CATSPERT: variants seen among roughly 807,000 people sequenced by gnomAD.
The protein encoded by CATSPERT is cation channel sperm-associated targeting subunit tau.
chr2:201,610,717 A>C, the CATSPERT span, among the ~76,000 whole-genome samples: 1 of 152,188 alleles, frequency 6.6e-6, no homozygotes, highest in Non-Finnish European at 1.5e-5. Context: ...AATCTTCAAC[A>C]AAATACTAGC....
At chr2:201,605,994 G>A in the CATSPERT span, among the ~76,000 whole-genome samples, 1 of 152,164 alleles carries the variant, frequency 6.6e-6, no homozygotes, top group Non-Finnish European at 1.5e-5. Flanking sequence ...AAGGGGCATT[G>A]AAGAAGATAA....
chr2:201,526,147 G>T, the CATSPERT span, among the ~76,000 whole-genome samples: 1 of 152,082 alleles, frequency 6.6e-6, no homozygotes, highest in African/African-American at 2.4e-5. Flanking sequence ...CCAAAACCTA[G>T]CAGAGACACA....
chr2:201,587,719 T>G, the CATSPERT span, among the ~76,000 whole-genome samples: 1 of 152,124 alleles, frequency 6.6e-6, no homozygotes, highest in Non-Finnish European at 1.5e-5. Flanking sequence ...TATGGATGGA[T>G]TTTTAATCAA....
the CATSPERT span, chr2:201,495,805 G>T: frequency 5.4e-6 from 4 of 738,802 alleles, no homozygotes; most frequent in Non-Finnish European, 8.3e-6. Flanking sequence ...TGTTTCTAAT[G>T]AGTAGCTTTT....
the CATSPERT span, among the ~76,000 whole-genome samples, chr2:201,587,697 G>C: frequency 6.6e-6 from 1 of 151,898 alleles, no homozygotes; most frequent in Non-Finnish European, 1.5e-5. Context: ...GGTTCACTGA[G>C]TTTCTTGAAT....
At chr2:201,579,107 A>G in the CATSPERT span, among the ~76,000 whole-genome samples, 160 of 152,322 alleles carry the variant, frequency 1.1e-3, no homozygotes, top group African/African-American at 3.4e-3. Flanking sequence ...CTGTAAAAAT[A>G]AGAAAATTCA....
the CATSPERT span, among the ~76,000 whole-genome samples, chr2:201,504,178 C>T: frequency 3.9e-5 from 6 of 152,170 alleles, no homozygotes; most frequent in African/African-American, 7.2e-5. Context: ...CCTACCAGTT[C>T]GCCTCTGTCT....
chr2:201,590,974 G>T, the CATSPERT span, among the ~76,000 whole-genome samples: 2 of 152,156 alleles, frequency 1.3e-5, no homozygotes, highest in East Asian at 3.8e-4. Flanking sequence ...TGTGCAAGAA[G>T]CTCTTTAGTT....
At chr2:201,521,453 A>AGAG in the CATSPERT span, among the ~76,000 whole-genome samples, 9,265 of 150,650 alleles carry the variant, frequency 0.062, 359 homozygotes, top group Non-Finnish European at 0.088. Flanking sequence ...GAGAGAGAGA[A>AGAG]AGAGACACAC....
At chr2:201,582,632 A>G in the CATSPERT span, among the ~76,000 whole-genome samples, 2 of 152,234 alleles carry the variant, frequency 1.3e-5, no homozygotes, top group Non-Finnish European at 2.9e-5. Context: ...GGTTATCCAA[A>G]TATCCAACAC....
chr2:201,563,348 C>T, the CATSPERT span, among the ~76,000 whole-genome samples: 1 of 136,494 alleles, frequency 7.3e-6, no homozygotes, highest in South Asian at 2.3e-4. Context: ...CCGGACTGGG[C>T]GGCTGGCCGG....
the CATSPERT span, chr2:201,556,968 A>G: frequency 5.4e-4 from 82 of 152,266 alleles, no homozygotes; most frequent in African/African-American, 1.8e-3. Flanking sequence ...CAACACATAT[A>G]AAGATATTTC....
At chr2:201,536,412 C>T in the CATSPERT span, 1 of 1,402,006 alleles carries the variant, frequency 7.1e-7, no homozygotes, top group Non-Finnish European at 9.5e-7. Flanking sequence ...ATCAATTGTA[C>T]CCTTATCCTT....
chr2:201,515,202 G>GTTTTT, the CATSPERT span, among the ~76,000 whole-genome samples: 196 of 24,672 alleles, frequency 7.9e-3, 68 homozygotes, highest in East Asian at 0.047. Context: ...TCTGCCCATA[G>GTTTTT]TTTTTTTTTT....
At chr2:201,604,510 T>C in the CATSPERT span, 1 of 614,696 alleles carries the variant, frequency 1.6e-6, no homozygotes, top group Non-Finnish European at 2.6e-6. Flanking sequence ...AAATGAAAAA[T>C]TCATAAATAC....
At chr2:201,582,575 T>G in the CATSPERT span, among the ~76,000 whole-genome samples, 1 of 152,272 alleles carries the variant, frequency 6.6e-6, no homozygotes, top group East Asian at 1.9e-4. Flanking sequence ...TCAAAGATAA[T>G]CAACTACCCA....
the CATSPERT span, chr2:201,491,367 T>C: frequency 6.5e-7 from 1 of 1,537,120 alleles, no homozygotes; most frequent in Non-Finnish European, 8.7e-7. Context: ...GGAAGAGGTG[T>C]GGTTTCAAGT....
At chr2:201,572,573 G>T in the CATSPERT span, among the ~76,000 whole-genome samples, 1 of 152,066 alleles carries the variant, frequency 6.6e-6, no homozygotes, top group Non-Finnish European at 1.5e-5. Context: ...TATCTGAAAA[G>T]AATATCTCTC....
chr2:201,502,086 T>C, the CATSPERT span, among the ~76,000 whole-genome samples: 1 of 152,130 alleles, frequency 6.6e-6, no homozygotes, highest in Admixed American at 6.5e-5. Flanking sequence ...TCCAGTTCCA[T>C]AAAGGGAATT....
Sources: gnomAD v4.1 joint callset for allele counts (sites outside exome capture counted in the v4.1 genomes callset) on GRCh38, gnomAD v4.1.1 for gene constraint, MANE v1.5 for transcripts, NCBI Gene and HGNC (gene_info 2026-07-23, HGNC 2026-07-21) for gene names.